ABI2: variants seen among roughly 807,000 people sequenced by gnomAD.
ABI2 encodes abelson interactor 2.
ABI2 carries 25 observed loss-of-function variants against 59.2 expected under a neutral mutation model. The observed-to-expected ratio is 0.42, with a 90% CI of 0.31 to 0.59. The LOEUF (loss-of-function observed/expected upper bound fraction) is 0.59, where lower values mean the gene tolerates loss of function less well. Among genes scored for constraint, ABI2 ranks in the 20% least tolerant of loss-of-function variants. ABI2 has a pLI of 0.14. For synonymous variants in ABI2, 213 were observed against 235.5 expected (o/e 0.90, Z 0.87); for missense variants, 545 against 681.8 (o/e 0.80, Z 2.23).
chr2:203,384,040 T>C (rs944427774), intron 4 of ABI2, among the ~76,000 whole-genome samples: 1 of 152,188 alleles, frequency 6.6e-6, no homozygotes. Flanking sequence ...TACTATTTTA[T>C]ACAGCATGTT....
intron 1 of ABI2, 129 bp downstream of exon 1, chr2:203,328,760 G>A: frequency 2.0e-6 from 1 of 504,336 alleles, no homozygotes; most frequent in Non-Finnish European, 3.5e-6. Flanking sequence ...GGGGAGCTGG[G>A]TGAGGGCTGG....
At chr2:203,375,072 T>C (rs1317919579) in intron 2 of ABI2, among the ~76,000 whole-genome samples, 1 of 152,156 alleles carries the variant, frequency 6.6e-6, no homozygotes, top group Non-Finnish European at 1.5e-5. Context: ...AGAGGTATCC[T>C]TAAGGAACCT....
chr2:203,412,336 TCC>T (rs1384308660), intron 10 of ABI2, among the ~76,000 whole-genome samples: 1 of 152,136 alleles, frequency 6.6e-6, no homozygotes, highest in Non-Finnish European at 1.5e-5. Context: ...GCACTTTTGG[TCC>T]CTGCTTTTTT....
At position 203,429,122 on chromosome 2, in the gene ABI2, C is replaced by T. The variant is rs552171212; in HGVS notation, c.*1770C>T. On this transcript the variant is annotated 3_prime_UTR_variant, in exon 12 of 12. Coordinates refer to ENST00000261018, the MANE Select transcript of ABI2 (RefSeq NM_001375670.1). ...GTTGTTTTTAATGCATTGCAAGTTA[C>T]AATAGCTATTTTGCTTTTAGATTTT... 9 of 152,344 alleles carry T rather than the reference C, an allele frequency of 5.9e-5. 1 individual carries two copies. Among genetic ancestry groups the T allele is most frequent in the East Asian group, 1.9e-4 (1 of 5,190 alleles). 9.4% of individuals were successfully genotyped at this position (152,344 alleles called of 1,614,324 possible).
At chr2:203,334,907 C>A (rs1200480124) in intron 1 of ABI2, among the ~76,000 whole-genome samples, 1 of 152,082 alleles carries the variant, frequency 6.6e-6, no homozygotes, top group South Asian at 2.1e-4. Context: ...GTGATCCGCC[C>A]GCCTCGGCCT....
At chr2:203,416,233 G>A (rs2097886953) in intron 10 of ABI2, among the ~76,000 whole-genome samples, 1 of 152,066 alleles carries the variant, frequency 6.6e-6, no homozygotes, top group African/African-American at 2.4e-5. Flanking sequence ...TGAATACAGT[G>A]TAAAGCTCAG....
At chr2:203,403,804 T>G (rs1358356151) in intron 9 of ABI2, among the ~76,000 whole-genome samples, 2 of 141,074 alleles carry the variant, frequency 1.4e-5, no homozygotes, top group East Asian at 4.2e-4. Context: ...CAGGATGGAG[T>G]GCAGTGGTGT....
In ABI2 at chr2:203,431,677, G is replaced by A. The variant is rs919283829; in HGVS notation, c.*4325G>A. On this transcript the variant is annotated 3_prime_UTR_variant, in exon 12 of 12. Transcript: ENST00000261018. The stretch of plus-strand genomic sequence containing the variant: ...TTGTGCTGACCTTTGTTCCTGTTTT[G>A]AGAATCTCATATAATTATTAAAAAA... The A allele has an allele frequency of 6.6e-6, 1 of 150,628 alleles. No individual in the cohort carries two copies. The highest frequency in any genetic ancestry group is 6.6e-5 in the Admixed American group (1 of 15,112). 9.3% of individuals were successfully genotyped at this position (150,628 alleles called of 1,614,324 possible).
chr2:203,328,777 T>C, intron 1 of ABI2, 146 bp downstream of exon 1: 1 of 446,566 alleles, frequency 2.2e-6, no homozygotes, highest in South Asian at 5.5e-5. Flanking sequence ...CTGGGGCTGG[T>C]GAATGGGTGG....
intron 1 of ABI2, among the ~76,000 whole-genome samples, chr2:203,340,251 A>G (rs2079069970): frequency 6.6e-6 from 1 of 152,200 alleles, no homozygotes; most frequent in Non-Finnish European, 1.5e-5. Flanking sequence ...AGAAATGGGG[A>G]GATGTTAGTC....
At chr2:203,420,673 G>A (rs1412959347) in intron 11 of ABI2, among the ~76,000 whole-genome samples, 1 of 152,082 alleles carries the variant, frequency 6.6e-6, no homozygotes, top group East Asian at 1.9e-4. Context: ...GATTACAGGT[G>A]TGAGCCACCA....
intron 10 of ABI2, among the ~76,000 whole-genome samples, chr2:203,412,885 G>C (rs1470789): frequency 0.74 from 112,304 of 152,122 alleles, 42,552 homozygotes; most frequent in Middle Eastern, 0.87. Flanking sequence ...ATTACAGTAC[G>C]AGAATTGAAG....
intron 8 of ABI2, among the ~76,000 whole-genome samples, chr2:203,400,079 CTTTTTTTTTTTTTTTTT>C (rs10581610): frequency 1.7e-5 from 1 of 59,510 alleles, no homozygotes; most frequent in South Asian, 1.0e-3. Context: ...TGAATAGTGT[CTTTTTTTTTTTTTTTTT>C]TTTTTTTTTT....
At chr2:203,422,099 C>T (rs2098241887) in intron 11 of ABI2, among the ~76,000 whole-genome samples, 1 of 152,104 alleles carries the variant, frequency 6.6e-6, no homozygotes, top group African/African-American at 2.4e-5. Flanking sequence ...AGTTCAAGAC[C>T]AGCCTGGGCA....
intron 11 of ABI2, among the ~76,000 whole-genome samples, chr2:203,425,923 A>AG (rs1020463186): frequency 1.3e-5 from 2 of 151,840 alleles, no homozygotes; most frequent in African/African-American, 4.8e-5. Flanking sequence ...TGGGAGGCTG[A>AG]GGCAAGAGAA....
At chr2:203,392,318 CAACAA>C (rs769131586) in intron 5 of ABI2, among the ~76,000 whole-genome samples, 19,051 of 104,932 alleles carry the variant, frequency 0.18, 1,790 homozygotes, top group Non-Finnish European at 0.22. Context: ...CCACCACCAA[CAACAA>C]CAACAACAAC....
intron 10 of ABI2, among the ~76,000 whole-genome samples, chr2:203,416,583 A>G (rs2097904905): frequency 6.6e-6 from 1 of 152,216 alleles, no homozygotes; most frequent in African/African-American, 2.4e-5. Flanking sequence ...GGCGCGAGCC[A>G]CCGCTCCTGG....
chr2:203,347,904 T>C (rs1034722336), intron 1 of ABI2, among the ~76,000 whole-genome samples: 2 of 152,168 alleles, frequency 1.3e-5, no homozygotes, highest in African/African-American at 4.8e-5. Flanking sequence ...TTTCTAGATA[T>C]TTAGGATTTG....
chr2:203,344,568 T>TTGTTTTTG (rs1553537901), intron 1 of ABI2, among the ~76,000 whole-genome samples: 26 of 12,574 alleles, frequency 2.1e-3, no homozygotes, highest in Admixed American at 4.4e-3. Flanking sequence ...GTTGTTTTTG[T>TTGTTTTTG]TTTTTTTTTT....
Sources: allele counts gnomAD v4.1 joint callset (sites outside exome capture counted in the v4.1 genomes callset), GRCh38; gene constraint gnomAD v4.1.1; transcripts MANE v1.5; gene names NCBI Gene and HGNC (gene_info 2026-07-23, HGNC 2026-07-21).